TATDN3: variants seen among roughly 807,000 people sequenced by gnomAD.
The protein encoded by TATDN3 is TatD DNase domain containing 3.
Under a neutral mutation model 40.1 loss-of-function variants are expected in TATDN3, and 29 were observed. The observed-to-expected ratio is 0.72, with a 90% CI of 0.54 to 0.99. The LOEUF is 0.99. Among genes scored for constraint, TATDN3 ranks in the 50% least tolerant of loss-of-function variants. The pLI, the probability that TATDN3 is intolerant of heterozygous loss-of-function variation, is 0.00. For missense variants in TATDN3, 309 were observed against 321.9 expected (o/e 0.96, Z 0.31); for synonymous variants, 105 against 117.0 (o/e 0.90, Z 0.66).
chr1:212,806,368 C>CTT (rs771628190), intron 7 of TATDN3, among the ~76,000 whole-genome samples: 7,746 of 132,454 alleles, frequency 0.058, 511 homozygotes, highest in African/African-American at 0.13. Flanking sequence ...TTCTCTCTCT[C>CTT]TTTTTTTTTT....
At position 212,802,698 on chromosome 1, in the gene TATDN3, C is replaced by A. The variant is rs1284161728; in HGVS notation, c.259-3C>A. 6.2e-7 allele frequency: 1 copy of A among 1,609,630 alleles called. No individual in the cohort carries two copies. The highest frequency in any genetic ancestry group is 8.5e-7 in the Non-Finnish European group (1 of 1,176,120). ...TTTAACAATTTTACTTTTTTTCTCC[C>A]AGGATTTGGATGTAGCTTTGCCCAT... On this transcript the variant is annotated splice_region_variant and splice_polypyrimidine_tract_variant and intron_variant, in intron 4 of 9. Coordinates refer to ENST00000366974, the MANE Select transcript of TATDN3 (RefSeq NM_001042552.3).
In TATDN3 at chr1:212,816,627, T is replaced by A. The variant is rs549981495; in HGVS notation, c.*1471T>A. The A allele has an allele frequency of 2.6e-5, 4 of 152,330 alleles. No individual in the cohort carries two copies. In the South Asian group the frequency reaches 8.3e-4, roughly 32 times the overall value. The allele number at this position is 152,330 out of a possible 1,614,324, so 9.4% of individuals were successfully genotyped here. On this transcript the variant is annotated 3_prime_UTR_variant, in exon 10 of 10. Coordinates refer to ENST00000366974, the MANE Select transcript of TATDN3 (RefSeq NM_001042552.3). Reference sequence around the variant, plus strand: ...AAATAAACTTCCTAAATCAAAGTGATTTTATGAAATGATCTTCAATAAATA... The same window carrying A: ...AAATAAACTTCCTAAATCAAAGTGAATTTATGAAATGATCTTCAATAAATA...
In TATDN3 at chr1:212,807,769, G is replaced by T. The variant is rs1341673689; in HGVS notation, c.521G>T (p.Gly174Val). 1.2e-6 allele frequency: 2 copies of T among 1,613,606 alleles called. No homozygotes were observed. The highest frequency in any genetic ancestry group is 3.3e-5 in the Admixed American group (2 of 59,890). ...AAGGTACTGCTGCATGCATTTGATG[G>T]TCGGCCATCTGTAGCCATGGAAGGA... Reference protein sequence around the residue: ...AEKVLLHAFDGRPSVAMEGVR... With the variant: ...AEKVLLHAFDVRPSVAMEGVR... The change falls in exon 8 of 10, where the codon GGT (glycine) becomes GTT (valine). Residue 174 changes from glycine (G) to valine (V), a missense_variant. Physicochemically the swap from Gly to Val is moderately radical, Grantham distance 109. Transcript: ENST00000366974.
chr1:212,804,220 G>A, intron 5 of TATDN3, 100 bp from the exon 6 acceptor site: 1 of 730,676 alleles, frequency 1.4e-6, no homozygotes, highest in East Asian at 2.8e-5. Flanking sequence ...TTGCTTTTGT[G>A]CCTCACATTA....
At chr1:212,806,783 T>TATATAC (rs796710955) in intron 7 of TATDN3, among the ~76,000 whole-genome samples, 1,195 of 79,486 alleles carry the variant, frequency 0.015, 221 homozygotes, top group Admixed American at 0.022. Context: ...TATATATATA[T>TATATAC]ACACACACAC....
At chr1:212,792,066 C>A in intron 1 of TATDN3, 79 bp downstream of exon 1, 3 of 1,451,294 alleles carry the variant, frequency 2.1e-6, no homozygotes, top group South Asian at 1.2e-5. Context: ...GCTCTCCTCC[C>A]TTGGGACGAA....
intron 4 of TATDN3, 81 bp downstream of exon 4, chr1:212,797,277 T>G: frequency 9.9e-7 from 1 of 1,010,174 alleles, no homozygotes; most frequent in Non-Finnish European, 1.5e-6. Flanking sequence ...CTCTTTCTAA[T>G]TTATATTCTC....
At chr1:212,793,973 A>G (rs1355051061) in intron 1 of TATDN3, among the ~76,000 whole-genome samples, 1 of 152,152 alleles carries the variant, frequency 6.6e-6, no homozygotes, top group Non-Finnish European at 1.5e-5. Context: ...TCAGGAGAGA[A>G]TTACAAGCTA....
chr1:212,808,363 G>C (rs1662671165), intron 8 of TATDN3, among the ~76,000 whole-genome samples: 1 of 150,698 alleles, frequency 6.6e-6, no homozygotes, highest in Admixed American at 6.6e-5. Context: ...GCCTTAATTT[G>C]TGTGACTCCT....
At chr1:212,810,384 C>T (rs536616273) in intron 8 of TATDN3, among the ~76,000 whole-genome samples, 5 of 151,250 alleles carry the variant, frequency 3.3e-5, no homozygotes, top group South Asian at 2.1e-4. Flanking sequence ...TGGTGGTGGG[C>T]GCCTGTAGTC....
chr1:212,806,747 C>CATATATATATAT (rs71495077), intron 7 of TATDN3, among the ~76,000 whole-genome samples: 15 of 43,974 alleles, frequency 3.4e-4, no homozygotes, highest in African/African-American at 5.3e-4. Flanking sequence ...TCTCTCTCTC[C>CATATATATATAT]ATATATATAT....
intron 4 of TATDN3, among the ~76,000 whole-genome samples, chr1:212,799,516 T>C (rs1558078521): frequency 1.3e-5 from 2 of 151,874 alleles, no homozygotes; most frequent in Admixed American, 6.6e-5. Context: ...GTAATTAATA[T>C]GCCAACAGTA....
intron 4 of TATDN3, among the ~76,000 whole-genome samples, chr1:212,798,370 G>A (rs1661933521): frequency 1.3e-5 from 2 of 151,164 alleles, no homozygotes; most frequent in Admixed American, 6.6e-5. Flanking sequence ...CCTATATTAA[G>A]ATACCTTAGG....
intron 4 of TATDN3, among the ~76,000 whole-genome samples, chr1:212,798,062 C>T (rs116320981): frequency 0.024 from 3,581 of 152,134 alleles, 70 homozygotes; most frequent in South Asian, 0.042. Context: ...CACAGTGGCT[C>T]GTGCCTGTAA....
chr1:212,806,829 TATATATACATATATACAC>T (rs1553257554), intron 7 of TATDN3, among the ~76,000 whole-genome samples: 1 of 56,326 alleles, frequency 1.8e-5, no homozygotes, highest in Non-Finnish European at 4.2e-5. Context: ...CATATATACA[TATATATACATATATACAC>T]ATATATACAT....
At chr1:212,798,205 A>T (rs1358817791) in intron 4 of TATDN3, among the ~76,000 whole-genome samples, 1 of 151,980 alleles carries the variant, frequency 6.6e-6, no homozygotes, top group Non-Finnish European at 1.5e-5. Flanking sequence ...GTGCACCTGT[A>T]GTCCCAGCTA....
chr1:212,813,871 C>T (rs967766307), intron 9 of TATDN3, among the ~76,000 whole-genome samples: 10 of 151,912 alleles, frequency 6.6e-5, no homozygotes, highest in East Asian at 3.8e-4. Context: ...CCACCACGCC[C>T]GGCTGATTTT....
intron 2 of TATDN3, 87 bp downstream of exon 2, chr1:212,795,214 C>T: frequency 2.4e-6 from 2 of 819,780 alleles, no homozygotes; most frequent in Non-Finnish European, 4.0e-6. Context: ...GATATACTAC[C>T]TTGATGTTTC....
chr1:212,794,629 G>C (rs76864636), intron 1 of TATDN3: 10,732 of 385,520 alleles, frequency 0.028, 239 homozygotes, highest in South Asian at 0.044. Context: ...GCATAATGAT[G>C]ATAAAACCAT....
Sources: gnomAD v4.1 joint callset for allele counts (sites outside exome capture counted in the v4.1 genomes callset) on GRCh38, gnomAD v4.1.1 for gene constraint, MANE v1.5 for transcripts, NCBI Gene and HGNC (gene_info 2026-07-23, HGNC 2026-07-21) for gene names.